The following STPG2 variants were observed in gnomAD, a reference collection of about 807,000 sequenced individuals.
STPG2 encodes the protein sperm tail PG-rich repeat containing 2.
STPG2 carries 56 observed loss-of-function variants against 54.2 expected under a neutral mutation model. The observed-to-expected ratio is 1.03, with a 90% CI of 0.83 to 1.29. The LOEUF is 1.29. Among genes scored for constraint, STPG2 ranks in the 50% most tolerant of loss-of-function variants. The pLI, the probability that STPG2 is intolerant of heterozygous loss-of-function variation, is 0.00. For synonymous variants in STPG2, 200 were observed against 181.8 expected (o/e 1.10, Z -0.81); for missense variants, 596 against 544.9 (o/e 1.09, Z -0.93).
intron 4 of STPG2, among the ~76,000 whole-genome samples, chr4:97,486,323 C>G (rs1429906881): frequency 6.6e-6 from 1 of 151,306 alleles, no homozygotes; most frequent in African/African-American, 2.4e-5. Flanking sequence ...AACAAATCAG[C>G]AAGAAAAAAA....
intron 5 of STPG2, among the ~76,000 whole-genome samples, chr4:98,003,649 G>C (rs997827054): frequency 4.6e-5 from 7 of 151,960 alleles, no homozygotes; most frequent in African/African-American, 1.7e-4. Flanking sequence ...CATTTCAAAA[G>C]CTCATATGAT....
intron 8 of STPG2, among the ~76,000 whole-genome samples, chr4:97,910,317 T>C (rs1731629116): frequency 6.6e-6 from 1 of 152,178 alleles, no homozygotes; most frequent in African/African-American, 2.4e-5. Flanking sequence ...AGTGGTAGAT[T>C]ATGGAAAGGT....
chr4:98,140,938 T>C (rs1578190484), intron 1 of STPG2, among the ~76,000 whole-genome samples: 1 of 152,030 alleles, frequency 6.6e-6, no homozygotes, highest in Admixed American at 6.5e-5. Flanking sequence ...CTTCTGGGAG[T>C]CATCAGAATC....
chr4:97,776,825 A>G (rs1726393201), intron 9 of STPG2, among the ~76,000 whole-genome samples: 1 of 152,220 alleles, frequency 6.6e-6, no homozygotes, highest in African/African-American at 2.4e-5. Flanking sequence ...AATGTTCTTT[A>G]TTACTATTGC....
At position 97,705,263 on chromosome 4, in the gene STPG2, C is replaced by T. The variant is rs559045184; in HGVS notation, c.1320+7436G>A. Among the ~76,000 whole-genome samples the T allele has an allele frequency of 4.9e-4, 74 of 152,172 alleles. 1 individual carries two copies. The highest frequency in any genetic ancestry group is 1.6e-3 in the African/African-American group (65 of 41,518). On this transcript the variant is annotated intron_variant, in intron 10 of 10. Transcript: ENST00000295268. ...TTGGCTTGTCTAAGTAAAAAACTCCCATTACTCTTTTATATTTCATATAAA... is the reference window on the plus strand; with the variant it reads ...TTGGCTTGTCTAAGTAAAAAACTCCTATTACTCTTTTATATTTCATATAAA...
intron 9 of STPG2, among the ~76,000 whole-genome samples, chr4:97,828,053 A>C (rs1257331421): frequency 6.6e-6 from 1 of 152,184 alleles, no homozygotes; most frequent in African/African-American, 2.4e-5. Context: ...CATCAAAGCC[A>C]ATTTAAAAAG....
intron 5 of STPG2, among the ~76,000 whole-genome samples, chr4:98,052,689 C>A (rs1263547995): frequency 6.6e-6 from 1 of 152,060 alleles, no homozygotes; most frequent in African/African-American, 2.4e-5. Flanking sequence ...TTAACAGAAG[C>A]AAATGTTTGG....
intron 4 of STPG2, among the ~76,000 whole-genome samples, chr4:97,442,251 C>T (rs945871112): frequency 3.3e-5 from 5 of 150,952 alleles, no homozygotes; most frequent in Non-Finnish European, 5.9e-5. Context: ...CAGATGGTTA[C>T]TCTTTCCCCA....
At chr4:97,872,943 T>C (rs970734722) in intron 8 of STPG2, among the ~76,000 whole-genome samples, 19 of 151,302 alleles carry the variant, frequency 1.3e-4, no homozygotes, top group African/African-American at 4.6e-4. Context: ...ATGAAAGCAG[T>C]AATTTCTCTA....
At chr4:97,773,635 T>C (rs1726283284) in intron 9 of STPG2, among the ~76,000 whole-genome samples, 1 of 152,154 alleles carries the variant, frequency 6.6e-6, no homozygotes, top group African/African-American at 2.4e-5. Flanking sequence ...ATAGAAAATA[T>C]GTTGGCAAAA....
chr4:97,666,297 T>C (rs1342866083), intron 10 of STPG2, among the ~76,000 whole-genome samples: 4 of 152,134 alleles, frequency 2.6e-5, no homozygotes, highest in South Asian at 2.1e-4. Flanking sequence ...CAGTGGCCTC[T>C]CTAGATGGGA....
intron 5 of STPG2, among the ~76,000 whole-genome samples, chr4:98,004,908 TA>T (rs1464254105): frequency 1.3e-5 from 2 of 151,586 alleles, no homozygotes; most frequent in Non-Finnish European, 2.9e-5. Flanking sequence ...ATGTATGGTT[TA>T]AAAATATTTT....
chr4:97,661,046 A>G (rs1421648050), intron 10 of STPG2, among the ~76,000 whole-genome samples: 3 of 152,122 alleles, frequency 2.0e-5, no homozygotes, highest in African/African-American at 7.2e-5. Context: ...GATATAAAAA[A>G]ATAAGTTTCC....
At chr4:98,034,972 T>C (rs1294481376) in intron 5 of STPG2, among the ~76,000 whole-genome samples, 1 of 152,174 alleles carries the variant, frequency 6.6e-6, no homozygotes, top group Non-Finnish European at 1.5e-5. Flanking sequence ...GTCTTAAATG[T>C]AAGATCTAAA....
intron 9 of STPG2, among the ~76,000 whole-genome samples, chr4:97,770,039 C>T (rs536855334): frequency 6.6e-6 from 1 of 151,904 alleles, no homozygotes; most frequent in Non-Finnish European, 1.5e-5. Flanking sequence ...GGCAAAACCC[C>T]ATCTCTACTA....
At chr4:97,592,621 G>C (rs891662629) in intron 10 of STPG2, among the ~76,000 whole-genome samples, 1 of 152,110 alleles carries the variant, frequency 6.6e-6, no homozygotes. Context: ...ACTCCAAGCA[G>C]ATATTTGGAA....
chr4:97,725,819 A>G (rs922846962), intron 9 of STPG2, among the ~76,000 whole-genome samples: 1 of 151,972 alleles, frequency 6.6e-6, no homozygotes, highest in Non-Finnish European at 1.5e-5. Flanking sequence ...CCAGGCATTG[A>G]AAGATATTCA....
chr4:97,547,498 C>A (rs959575727), intron 4 of STPG2, among the ~76,000 whole-genome samples: 9 of 152,206 alleles, frequency 5.9e-5, no homozygotes, highest in Non-Finnish European at 1.3e-4. Context: ...GCGTGAGCCA[C>A]CGCGCCCGGC....
intron 4 of STPG2, among the ~76,000 whole-genome samples, chr4:97,457,157 T>G (rs1040746842): frequency 6.6e-6 from 1 of 152,154 alleles, no homozygotes; most frequent in Admixed American, 6.5e-5. Flanking sequence ...CTGGTGGGAA[T>G]ACAAAATGAC....
Sources: gnomAD v4.1 joint callset for allele counts (sites outside exome capture counted in the v4.1 genomes callset) on GRCh38, gnomAD v4.1.1 for gene constraint, MANE v1.5 for transcripts, NCBI Gene and HGNC (gene_info 2026-07-23, HGNC 2026-07-21) for gene names.